PTBP3: variants seen among roughly 807,000 people sequenced by gnomAD.
The protein encoded by PTBP3 is polypyrimidine tract-binding protein 3.
Under a neutral mutation model 58.7 loss-of-function variants are expected in PTBP3, and 20 were observed. The observed-to-expected ratio is 0.34, with a 90% CI of 0.24 to 0.50. The LOEUF (loss-of-function observed/expected upper bound fraction) is 0.50, where lower values mean the gene tolerates loss of function less well. PTBP3 is among the 20% of genes least tolerant of loss of function. PTBP3 has a pLI of 0.98. For synonymous variants in PTBP3, 185 were observed against 219.8 expected (o/e 0.84, Z 1.40); for missense variants, 509 against 637.2 (o/e 0.80, Z 2.17).
intron 2 of PTBP3, among the ~76,000 whole-genome samples, chr9:112,289,133 G>A (rs923070858): frequency 1.3e-5 from 2 of 152,132 alleles, no homozygotes; most frequent in African/African-American, 4.8e-5. Context: ...AATGATACGC[G>A]CTGCTTTTCC....
intron 5 of PTBP3, among the ~76,000 whole-genome samples, chr9:112,261,041 C>A (rs1221477249): frequency 1.3e-5 from 2 of 152,176 alleles, no homozygotes; most frequent in Non-Finnish European, 2.9e-5. Flanking sequence ...TTTATAAAAG[C>A]AATAGCTACA....
At chr9:112,293,394 T>A (rs1828530122) in intron 2 of PTBP3, among the ~76,000 whole-genome samples, 1 of 152,208 alleles carries the variant, frequency 6.6e-6, no homozygotes, top group African/African-American at 2.4e-5. Flanking sequence ...AATATTTTAT[T>A]AATATAGCTG....
intron 1 of PTBP3, among the ~76,000 whole-genome samples, chr9:112,327,201 T>C (rs1430615052): frequency 1.3e-5 from 2 of 148,414 alleles, no homozygotes; most frequent in African/African-American, 5.0e-5. Flanking sequence ...AGGTAGAGCC[T>C]GCCTTCAAAG....
chr9:112,341,423 T>C, the PTBP3 span, among the ~76,000 whole-genome samples: 6 of 152,118 alleles, frequency 3.9e-5, no homozygotes, highest in African/African-American at 1.4e-4. Flanking sequence ...TGAGCCACCA[T>C]GCCTGGCCTC....
intron 2 of PTBP3, among the ~76,000 whole-genome samples, chr9:112,289,271 A>C (rs1489704395): frequency 1.3e-5 from 2 of 152,206 alleles, no homozygotes; most frequent in African/African-American, 2.4e-5. Flanking sequence ...ACCTTAGAGC[A>C]CTGACTACTT....
intron 1 of PTBP3, among the ~76,000 whole-genome samples, chr9:112,309,116 T>G (rs1422541205): frequency 2.0e-5 from 3 of 152,208 alleles, no homozygotes; most frequent in Non-Finnish European, 4.4e-5. Context: ...AGAAAAGATA[T>G]TTGTTTTAAT....
intron 1 of PTBP3, among the ~76,000 whole-genome samples, chr9:112,319,868 T>C (rs1004115221): frequency 6.6e-6 from 1 of 152,146 alleles, no homozygotes; most frequent in African/African-American, 2.4e-5. Context: ...AATCCTGTCA[T>C]GAGACAACAT....
the PTBP3 span, among the ~76,000 whole-genome samples, chr9:112,365,876 T>G: frequency 7.2e-5 from 11 of 152,170 alleles, no homozygotes; most frequent in Admixed American, 7.2e-4. Flanking sequence ...AAAAGTGACT[T>G]GGGTGCTGTT....
At chr9:112,282,722 A>C (rs898875655) in intron 2 of PTBP3, among the ~76,000 whole-genome samples, 4 of 152,098 alleles carry the variant, frequency 2.6e-5, no homozygotes, top group Admixed American at 2.6e-4. Context: ...AATTCTAATG[A>C]AGTCAGATAA....
intron 12 of PTBP3, among the ~76,000 whole-genome samples, chr9:112,224,538 C>T (rs1190236444): frequency 1.3e-5 from 2 of 152,190 alleles, no homozygotes; most frequent in Non-Finnish European, 2.9e-5. Context: ...TAGTAATCAA[C>T]TGTAGTACTT....
chr9:112,353,427 G>A, the PTBP3 span, among the ~76,000 whole-genome samples: 1 of 149,756 alleles, frequency 6.7e-6, no homozygotes, highest in African/African-American at 2.5e-5. Flanking sequence ...TGTAGTTTTT[G>A]TAGAGGCGGG....
Position 112,250,921 on chromosome 9 carries a change from C to A in PTBP3, c.802+8G>T. 6.6e-7 allele frequency: 1 copy of A among 1,507,346 alleles called. No homozygotes were observed. Among genetic ancestry groups the A allele is most frequent in the Non-Finnish European group, 8.9e-7 (1 of 1,128,444 alleles). The allele number at this position is 1,507,346 out of a possible 1,614,324, so 93.4% of individuals were successfully genotyped here. A position where few individuals can be genotyped will look rare whatever the true frequency, so the allele number is the denominator to read the frequency against. ...ACTTGCTTTGTGACCCAAAAAAGAA[C>A]TACTCACCAAAAGCAGCAGCCATAG... On this transcript the variant is annotated splice_region_variant and intron_variant, in intron 7 of 13. Transcript: ENST00000374257.
the PTBP3 span, among the ~76,000 whole-genome samples, chr9:112,365,084 G>T: frequency 2.0e-5 from 3 of 152,092 alleles, no homozygotes; most frequent in Non-Finnish European, 2.9e-5. Context: ...TGTCTTCCAC[G>T]TTCATCCATG....
the PTBP3 span, among the ~76,000 whole-genome samples, chr9:112,376,175 A>G: frequency 4.2e-5 from 6 of 144,034 alleles, no homozygotes; most frequent in East Asian, 6.3e-4. Context: ...ATATATATAT[A>G]TATCCTATTA....
chr9:112,362,290 C>A, the PTBP3 span, among the ~76,000 whole-genome samples: 1 of 152,146 alleles, frequency 6.6e-6, no homozygotes, highest in Non-Finnish European at 1.5e-5. Context: ...CAAAGTAAGA[C>A]CCTGTCTAGC....
chr9:112,375,825 T>C, the PTBP3 span, among the ~76,000 whole-genome samples: 1 of 152,174 alleles, frequency 6.6e-6, no homozygotes, highest in African/African-American at 2.4e-5. Flanking sequence ...GGTGACTTAA[T>C]GACCCATAGT....
Position 112,228,399 on chromosome 9 carries a change from A to G in PTBP3, c.1128T>C (p.Asp376=). The change falls in exon 11 of 14, where the codon GAT becomes GAC. Residue 376 remains aspartate, a synonymous_variant. Transcript: ENST00000374257. ...TAGTACCTAGCTGAGCTTGATTTGC[A>G]TCCGCCATCTGAACCAAGGCATTTT... ...KKENALVQMA[D]ANQAQLAMNH... is the part of the protein sequence containing the mutation. The G allele has an allele frequency of 6.2e-7, 1 of 1,606,346 alleles. No individual in the cohort carries two copies. Among genetic ancestry groups the G allele is most frequent in the Non-Finnish European group, 8.5e-7 (1 of 1,177,596 alleles).
At chr9:112,314,963 C>G (rs1182068380) in intron 1 of PTBP3, among the ~76,000 whole-genome samples, 1 of 152,058 alleles carries the variant, frequency 6.6e-6, no homozygotes, top group Non-Finnish European at 1.5e-5. Context: ...TCCCAAGTAG[C>G]TGGGACTACA....
Position 112,333,492 on chromosome 9 carries a change from C to A in PTBP3, c.-74G>T. 1 of 1,592,538 alleles carries A rather than the reference C, an allele frequency of 6.3e-7. No homozygotes were observed. The highest frequency in any genetic ancestry group is 2.3e-5 in the East Asian group (1 of 42,584). On this transcript the variant is annotated 5_prime_UTR_variant, in exon 1 of 14. Coordinates refer to ENST00000374257, the MANE Select transcript of PTBP3 (RefSeq NM_001163788.4). Reference sequence around the variant, plus strand: ...TACCCATCCATGGCCCAGATGGAGGCGCGCACAGAGCAGGGACTGACGGGC... The same window carrying A: ...TACCCATCCATGGCCCAGATGGAGGAGCGCACAGAGCAGGGACTGACGGGC...
Sources: gnomAD v4.1 joint callset for allele counts (sites outside exome capture counted in the v4.1 genomes callset) on GRCh38, gnomAD v4.1.1 for gene constraint, MANE v1.5 for transcripts, NCBI Gene and HGNC (gene_info 2026-07-23, HGNC 2026-07-21) for gene names.